The following TXNDC11 variants were observed in gnomAD, a reference collection of about 807,000 sequenced individuals.
TXNDC11 encodes thioredoxin domain containing 11, also known as thioredoxin domain-containing protein 11.
In TXNDC11, 68 loss-of-function variants were observed where a neutral mutation model predicts 78.0. The ratio of observed to expected loss-of-function variants is 0.87; its 90% CI spans 0.72 to 1.07. The LOEUF (loss-of-function observed/expected upper bound fraction) is 1.07. Among genes scored for constraint, TXNDC11 ranks in the 50% least tolerant of loss-of-function variants. TXNDC11 has a pLI of 0.00. For missense variants in TXNDC11, 1,389 were observed against 1,221.8 expected, an observed-to-expected ratio of 1.14 and a Z score of -2.04; for synonymous variants, 571 against 495.2, an observed-to-expected ratio of 1.15 and a Z score of -2.03.
At chr16:11,713,376 T>G (rs982854580) in intron 5 of TXNDC11, among the ~76,000 whole-genome samples, 3 of 152,194 alleles carry the variant, frequency 2.0e-5, no homozygotes, top group African/African-American at 7.2e-5. Context: ...TCAACTGAAT[T>G]AAACAGTCAG....
intron 5 of TXNDC11, among the ~76,000 whole-genome samples, chr16:11,702,149 T>C (rs1470940894): frequency 6.6e-6 from 1 of 151,874 alleles, no homozygotes; most frequent in East Asian, 1.9e-4. Flanking sequence ...TTTAGAAATG[T>C]ATAAAGAATC....
At chr16:11,715,857 G>A (rs1305630148) in intron 5 of TXNDC11, among the ~76,000 whole-genome samples, 1 of 152,160 alleles carries the variant, frequency 6.6e-6, no homozygotes, top group African/African-American at 2.4e-5. Context: ...ATCATTTCTT[G>A]TGTGGATTTT....
At chr16:11,725,819 T>C (rs2051860218) in intron 4 of TXNDC11, among the ~76,000 whole-genome samples, 2 of 152,250 alleles carry the variant, frequency 1.3e-5, no homozygotes. Flanking sequence ...TTCTGTGATG[T>C]TTAAGTAACT....
intron 1 of TXNDC11, among the ~76,000 whole-genome samples, chr16:11,737,110 A>T (rs748073473): frequency 7.2e-5 from 11 of 152,192 alleles, no homozygotes; most frequent in Non-Finnish European, 1.6e-4. Flanking sequence ...TAAATAGAGA[A>T]CATAAACATG....
At position 11,698,125 on chromosome 16, in the gene TXNDC11, C is replaced by G. The variant is rs144978188; in HGVS notation, c.1107G>C (p.Glu369Asp). ...GTGCTTTTCACATCACAGCTCTTAC[C>G]TCGTCTATTAAAGGATGACTTTCGG... ...PLAESHPLIDEITEVALEYNN... is the reference protein window; with the variant it reads ...PLAESHPLIDDITEVALEYNN... The change falls in exon 7 of 12, where the codon GAG becomes GAC. Residue 369 changes from glutamate to aspartate, a missense_variant and splice_region_variant. Transcript: ENST00000283033. The G allele has an allele frequency of 3.7e-5, 60 of 1,614,074 alleles. No homozygotes were observed. The highest frequency in any genetic ancestry group is 5.1e-5 in the Non-Finnish European group (60 of 1,180,010).
intron 10 of TXNDC11, 50 bp downstream of exon 10, chr16:11,687,807 G>C (rs199798059): frequency 7.3e-6 from 9 of 1,240,172 alleles, no homozygotes; most frequent in Non-Finnish European, 1.1e-5. Context: ...CTGCAAATAA[G>C]AGTGAAAATG....
chr16:11,725,913 T>A (rs1337550843), intron 4 of TXNDC11, among the ~76,000 whole-genome samples: 1 of 152,174 alleles, frequency 6.6e-6, no homozygotes, highest in East Asian at 1.9e-4. Context: ...TCTCACTCTG[T>A]TGCCCAGGAT....
In TXNDC11 at chr16:11,691,488, T is replaced by C. The variant is rs201845975; in HGVS notation, c.1702A>G (p.Asn568Asp). Residue 568 changes from asparagine (N) to aspartate (D), a missense_variant, in exon 8 of 12, where the codon AAC becomes GAC. Transcript: ENST00000283033. ...GTTCTGCAGCTCAGGCCTGTGAAGT[T>C]TGTGCTAGTCATGTCCACTTCTGGA... The part of the protein sequence containing the change: ...LFPEVDMTST[N>D]FTGLSCRTNK... The C allele has an allele frequency of 6.9e-5, 112 of 1,614,216 alleles. 1 individual carries two copies. The East Asian group carries it at 1.1e-3, about 16-fold the overall frequency.
intron 5 of TXNDC11, among the ~76,000 whole-genome samples, chr16:11,708,676 G>A (rs1265195501): frequency 6.6e-6 from 1 of 152,148 alleles, no homozygotes; most frequent in African/African-American, 2.4e-5. Flanking sequence ...AATACCACTG[G>A]ATTAAGTCAC....
chr16:11,679,527 G>A lies in TXNDC11; in HGVS notation c.2545C>T (p.His849Tyr), dbSNP rs754700894. ...TCACTGTGTGCGTGGAGCAGGCTGT[G>A]CTGCTCTTCCAGGGCCCGCTGCTGC... ...RQQQRALEEQ[H>Y]SLLHAHSEQL... Residue 849 changes from histidine to tyrosine, a missense_variant, in exon 12 of 12, where the codon CAC becomes TAC. By Grantham distance (83) the His-to-Tyr change is moderately conservative (BLOSUM62 2). Transcript: ENST00000283033. This position sits in a 1 kb window ranked among gnomAD's most constrained non-coding sequence, Gnocchi z 4.6. 5.6e-6 allele frequency: 9 copies of A among 1,613,196 alleles called. No individual in the cohort carries two copies. The highest frequency in any genetic ancestry group is 3.3e-5 in the Admixed American group (2 of 60,016).
chr16:11,713,167 G>C (rs900082593), intron 5 of TXNDC11, among the ~76,000 whole-genome samples: 2 of 147,696 alleles, frequency 1.4e-5, no homozygotes, highest in African/African-American at 5.0e-5. Flanking sequence ...CATGCCTGTA[G>C]TCCCAGCTCC....
At chr16:11,680,821 T>C (rs2141954179) in intron 11 of TXNDC11, among the ~76,000 whole-genome samples, 1 of 152,316 alleles carries the variant, frequency 6.6e-6, no homozygotes, top group East Asian at 1.9e-4. Flanking sequence ...ATCCCCTCCT[T>C]TAAAGCTTAG....
intron 1 of TXNDC11, among the ~76,000 whole-genome samples, chr16:11,738,387 C>T (rs1179939732): frequency 6.6e-6 from 1 of 152,276 alleles, no homozygotes; most frequent in Admixed American, 6.5e-5. Flanking sequence ...GCAGCTGTGA[C>T]TGTGCTTTGG....
chr16:11,741,295 C>G (rs2052383202), intron 1 of TXNDC11, among the ~76,000 whole-genome samples: 1 of 152,200 alleles, frequency 6.6e-6, no homozygotes, highest in Non-Finnish European at 1.5e-5. Flanking sequence ...ATCTTATAAA[C>G]TGGAATCCCA....
At chr16:11,709,686 C>T (rs1436630696) in intron 5 of TXNDC11, among the ~76,000 whole-genome samples, 19 of 151,962 alleles carry the variant, frequency 1.3e-4, no homozygotes, top group Non-Finnish European at 1.0e-4. Flanking sequence ...CCGCCCGCCT[C>T]GGCCTCCCAA....
At chr16:11,719,396 G>A (rs140305736) in intron 5 of TXNDC11, among the ~76,000 whole-genome samples, 9 of 152,310 alleles carry the variant, frequency 5.9e-5, no homozygotes, top group Non-Finnish European at 1.2e-4. Flanking sequence ...AAACTGTGCA[G>A]CTCAAAGTCT....
chr16:11,712,929 A>AACAC (rs111887849), intron 5 of TXNDC11, among the ~76,000 whole-genome samples: 4,765 of 142,014 alleles, frequency 0.034, 228 homozygotes, highest in African/African-American at 0.1. Flanking sequence ...TTCCACTTAA[A>AACAC]ACACACACAC....
intron 10 of TXNDC11, among the ~76,000 whole-genome samples, chr16:11,687,090 T>TC (rs1160483795): frequency 6.6e-6 from 1 of 152,198 alleles, no homozygotes; most frequent in Non-Finnish European, 1.5e-5. Context: ...ATATTAATGG[T>TC]CCCCCTTTTT....
At chr16:11,693,078 G>A (rs565147852) in intron 7 of TXNDC11, among the ~76,000 whole-genome samples, 1 of 152,258 alleles carries the variant, frequency 6.6e-6, no homozygotes, top group African/African-American at 2.4e-5. Flanking sequence ...CAAACTTACA[G>A]AACCTCACAG....
Sources: allele counts gnomAD v4.1 joint callset (sites outside exome capture counted in the v4.1 genomes callset), GRCh38; gene constraint gnomAD v4.1.1; non-coding constraint Gnocchi (gnomAD v3.1); transcripts MANE v1.5; gene names NCBI Gene and HGNC (gene_info 2026-07-23, HGNC 2026-07-21).